The following ARHGAP24 variants were observed in gnomAD, a reference collection of about 807,000 sequenced individuals.
ARHGAP24 encodes the protein rho GTPase-activating protein 24.
Under a neutral mutation model 76.4 loss-of-function variants are expected in ARHGAP24, and 50 were observed. The observed-to-expected ratio is 0.65, with a 90% confidence interval of 0.52 to 0.83. The LOEUF is 0.83. Among genes scored for constraint, ARHGAP24 ranks in the 40% least tolerant of loss-of-function variants. ARHGAP24 has a pLI of 0.00. For synonymous variants in ARHGAP24, 345 were observed against 323.3 expected, an observed-to-expected ratio of 1.07 and a Z score of -0.72; for missense variants, 930 against 914.2, an observed-to-expected ratio of 1.02 and a Z score of -0.22.
rs1560571885 is a variant in ARHGAP24, at chr4:85,655,848, G to GAGAGAGAC, written c.181-66033_181-66032insAGACAGAG. Among the ~76,000 whole-genome samples the GAGAGAGAC allele has an allele frequency of 3.3e-4, 22 of 67,588 alleles. 3 individuals are homozygous for GAGAGAGAC. Among genetic ancestry groups the GAGAGAGAC allele is most frequent in the African/African-American group, 1.2e-3 (19 of 16,470 alleles). The allele number at this position is 67,588 out of a possible 152,430, so 44.3% of individuals were successfully genotyped here. ...AGAGAGAGAGAGAGAGAGAGAGACA[G>GAGAGAGAC]AGAGGAAGTTTGGTTAGACTGTGCC... On this transcript the variant is annotated intron_variant, in intron 2 of 9. Transcript: ENST00000395184.
At chr4:85,710,202 G>A (rs933377146) in intron 2 of ARHGAP24, among the ~76,000 whole-genome samples, 6 of 151,928 alleles carry the variant, frequency 3.9e-5, no homozygotes, top group African/African-American at 9.7e-5. Flanking sequence ...AAATAAGGTC[G>A]CACACGTACA....
intron 2 of ARHGAP24, among the ~76,000 whole-genome samples, chr4:85,641,037 A>G (rs1354276629): frequency 2.6e-4 from 39 of 152,106 alleles, no homozygotes; most frequent in Non-Finnish European, 1.5e-5. Flanking sequence ...GTTATTAAAG[A>G]AATAACTAAA....
chr4:85,568,551 C>T (rs916516478), intron 1 of ARHGAP24, among the ~76,000 whole-genome samples: 2 of 152,098 alleles, frequency 1.3e-5, no homozygotes, highest in Admixed American at 6.6e-5. Flanking sequence ...GTTCTTGGCT[C>T]ATCATAGTAG....
intron 3 of ARHGAP24, among the ~76,000 whole-genome samples, chr4:85,861,186 A>G (rs1236029898): frequency 6.6e-6 from 1 of 151,966 alleles, no homozygotes; most frequent in Non-Finnish European, 1.5e-5. Flanking sequence ...ACGACTACTA[A>G]CCTGCCTTGT....
intron 1 of ARHGAP24, among the ~76,000 whole-genome samples, chr4:85,479,066 C>T (rs1385508316): frequency 2.6e-5 from 4 of 152,084 alleles, no homozygotes. Context: ...GTGAAGTCGT[C>T]AATAAATGAA....
At chr4:85,867,458 A>G (rs1284520215) in intron 3 of ARHGAP24, among the ~76,000 whole-genome samples, 1 of 152,190 alleles carries the variant, frequency 6.6e-6, no homozygotes, top group Non-Finnish European at 1.5e-5. Flanking sequence ...GCCAGGGATC[A>G]GAGATGGTGA....
chr4:85,898,735 T>A (rs760890169), intron 3 of ARHGAP24, among the ~76,000 whole-genome samples: 4 of 152,206 alleles, frequency 2.6e-5, no homozygotes, highest in Non-Finnish European at 5.9e-5. Flanking sequence ...GGATTTAATA[T>A]GTGCATACAT....
At chr4:85,871,101 T>C (rs961694507) in intron 3 of ARHGAP24, among the ~76,000 whole-genome samples, 12 of 152,162 alleles carry the variant, frequency 7.9e-5, no homozygotes, top group African/African-American at 2.7e-4. Flanking sequence ...GATTTTCTCA[T>C]CTGTTCTAAG....
At chr4:85,993,779 G>T (rs1740481746) in intron 8 of ARHGAP24, among the ~76,000 whole-genome samples, 4 of 152,156 alleles carry the variant, frequency 2.6e-5, no homozygotes, top group Admixed American at 2.6e-4. Context: ...TTCTAGGAGA[G>T]GAGGAGAAGA....
At chr4:85,582,578 GT>G (rs1344822202) in intron 2 of ARHGAP24, among the ~76,000 whole-genome samples, 2 of 151,998 alleles carry the variant, frequency 1.3e-5, no homozygotes, top group African/African-American at 4.8e-5. Context: ...AATTGTATGA[GT>G]AATTCATTTT....
intron 3 of ARHGAP24, among the ~76,000 whole-genome samples, chr4:85,846,874 A>C (rs1162463596): frequency 6.6e-6 from 1 of 152,230 alleles, no homozygotes; most frequent in African/African-American, 2.4e-5. Context: ...TCAGGGTGAG[A>C]TATCAGAGAA....
At chr4:85,888,444 AG>A (rs1428519198) in intron 3 of ARHGAP24, among the ~76,000 whole-genome samples, 4 of 151,430 alleles carry the variant, frequency 2.6e-5, no homozygotes, top group African/African-American at 9.7e-5. Flanking sequence ...CTATCTGTAC[AG>A]GAGTGATGTT....
chr4:85,767,245 A>G (rs1340115292), intron 3 of ARHGAP24, among the ~76,000 whole-genome samples: 2 of 152,190 alleles, frequency 1.3e-5, no homozygotes, highest in African/African-American at 4.8e-5. Flanking sequence ...TGAAGTCTTC[A>G]GGTAATAATA....
intron 3 of ARHGAP24, among the ~76,000 whole-genome samples, chr4:85,752,709 G>T (rs1443114520): frequency 6.6e-6 from 1 of 152,138 alleles, no homozygotes. Flanking sequence ...TCACTTCACT[G>T]AGCATCAGTT....
chr4:85,782,862 C>A (rs1256698044), intron 3 of ARHGAP24, among the ~76,000 whole-genome samples: 1 of 151,684 alleles, frequency 6.6e-6, no homozygotes, highest in Admixed American at 6.6e-5. Flanking sequence ...ACATCTTAAT[C>A]ATGAAATAAA....
chr4:85,961,435 C>T (rs1445277866), intron 5 of ARHGAP24, among the ~76,000 whole-genome samples: 3 of 152,032 alleles, frequency 2.0e-5, no homozygotes, highest in African/African-American at 7.2e-5. Flanking sequence ...TAAAACTAGG[C>T]TTCTAGTTAC....
intron 1 of ARHGAP24, among the ~76,000 whole-genome samples, chr4:85,500,004 T>C (rs1296145527): frequency 1.3e-5 from 2 of 152,190 alleles, no homozygotes; most frequent in Admixed American, 1.3e-4. Context: ...GTATTTGTGA[T>C]AAAATTTAGC....
intron 3 of ARHGAP24, chr4:85,722,435 TTAA>T (rs1473378462): frequency 1.5e-5 from 3 of 204,442 alleles, no homozygotes; most frequent in Non-Finnish European, 3.0e-5. Context: ...CTCTTACTAC[TTAA>T]TACTTGTAAT....
At chr4:85,939,045 A>G (rs1005693487) in intron 4 of ARHGAP24, among the ~76,000 whole-genome samples, 2 of 152,108 alleles carry the variant, frequency 1.3e-5, no homozygotes, top group Non-Finnish European at 2.9e-5. Flanking sequence ...CCTTAGCTCC[A>G]CCATTTACTG....
Sources: gnomAD v4.1 joint callset for allele counts (sites outside exome capture counted in the v4.1 genomes callset) on GRCh38, gnomAD v4.1.1 for gene constraint, MANE v1.5 for transcripts, NCBI Gene and HGNC (gene_info 2026-07-23, HGNC 2026-07-21) for gene names.